The following ZNF638 variants were observed in gnomAD, a reference collection of about 807,000 sequenced individuals.
ZNF638 encodes zinc finger protein 638, also known as CTCL tumor antigen se33-1.
A neutral mutation model predicts 195.6 loss-of-function variants in ZNF638; 46 were observed. That is an observed-to-expected ratio of 0.24 (90% CI 0.19 to 0.30). The LOEUF (loss-of-function observed/expected upper bound fraction) is 0.30, where lower values mean the gene tolerates loss of function less well. Among genes scored for constraint, ZNF638 ranks in the 10% least tolerant of loss-of-function variants. The pLI, the probability that ZNF638 is intolerant of heterozygous loss-of-function variation, is 1.00. For missense variants in ZNF638, 2,440 were observed against 2,325.3 expected, an observed-to-expected ratio of 1.05 and a Z score of -1.01; for synonymous variants, 845 against 772.0, an observed-to-expected ratio of 1.09 and a Z score of -1.57.
chr2:71,365,583 C>A lies in ZNF638; in HGVS notation c.1872C>A (p.Ser624Arg). The change falls in exon 6 of 28, where the codon AGC becomes AGA. Residue 624 changes from serine to arginine, a missense_variant. Physicochemically the swap from Ser to Arg is moderately radical, Grantham distance 110. Transcript: ENST00000264447. ...CAAAACCATCAGTTAAACCTACAAG[C>A]GCTACAAAGAGTGATTCAAATCTAG... ...SGTKPSVKPT[S>R]ATKSDSNLGG... is the part of the protein sequence containing the mutation. 6.2e-7 allele frequency: 1 copy of A among 1,614,084 alleles called. No individual in the cohort carries two copies. The highest frequency in any genetic ancestry group is 2.2e-5 in the East Asian group (1 of 44,878).
At chr2:71,368,584 T>G (rs985482984) in intron 7 of ZNF638, 56 bp downstream of exon 7, 11 of 1,582,714 alleles carry the variant, frequency 7.0e-6, no homozygotes, top group Non-Finnish European at 9.5e-6. Flanking sequence ...TTAATGATTC[T>G]ATAAATTGCT....
chr2:71,340,876 G>A (rs192194268), intron 1 of ZNF638, among the ~76,000 whole-genome samples: 2 of 152,284 alleles, frequency 1.3e-5, no homozygotes, highest in East Asian at 1.9e-4. Context: ...TCATTGTGAA[G>A]CTCAGACGAG....
intron 3 of ZNF638, among the ~76,000 whole-genome samples, chr2:71,356,136 C>G (rs1024459978): frequency 1.3e-5 from 2 of 152,184 alleles, no homozygotes; most frequent in African/African-American, 4.8e-5. Flanking sequence ...AAAATCAGTG[C>G]AAACCAAACA....
intron 14 of ZNF638, 93 bp from the exon 15 acceptor site, chr2:71,400,385 C>A: frequency 7.9e-7 from 1 of 1,262,606 alleles, no homozygotes; most frequent in Non-Finnish European, 1.1e-6. Context: ...TTGTATTACA[C>A]GTTTTCATGT....
intron 8 of ZNF638, among the ~76,000 whole-genome samples, chr2:71,370,580 TA>T (rs1219798100): frequency 6.6e-6 from 1 of 152,218 alleles, no homozygotes; most frequent in East Asian, 1.9e-4. Context: ...TTCTGTTAAG[TA>T]AAAAGCTATA....
intron 10 of ZNF638, among the ~76,000 whole-genome samples, chr2:71,390,315 G>A (rs2079746544): frequency 6.6e-6 from 1 of 152,156 alleles, no homozygotes; most frequent in South Asian, 2.1e-4. Context: ...GGGAGCGCAG[G>A]ATTGGGCTTA....
chr2:71,385,994 A>T (rs2079629820), intron 10 of ZNF638, among the ~76,000 whole-genome samples: 1 of 152,178 alleles, frequency 6.6e-6, no homozygotes, highest in Non-Finnish European at 1.5e-5. Context: ...AAAATGAGGA[A>T]ATCTGTTAAT....
chr2:71,356,794 A>T (rs6726122), intron 3 of ZNF638, among the ~76,000 whole-genome samples: 66,934 of 145,824 alleles, frequency 0.46, 17,024 homozygotes, highest in Admixed American at 0.59. Flanking sequence ...AAAAAAAAAA[A>T]TTTTTTTTTT....
intron 20 of ZNF638, chr2:71,408,448 CAT>C (rs1189463524): frequency 3.5e-6 from 2 of 569,944 alleles, no homozygotes; most frequent in Non-Finnish European, 5.8e-6. Flanking sequence ...AACAATGTAA[CAT>C]ATATGCATTT....
chr2:71,377,824 A>G (rs2079460489), intron 8 of ZNF638, among the ~76,000 whole-genome samples: 1 of 152,240 alleles, frequency 6.6e-6, no homozygotes, highest in African/African-American at 2.4e-5. Context: ...ATGGTGGGGC[A>G]CCTTATAGTG....
rs1363576465 is a variant in ZNF638 at position 71,424,636 on chromosome 2, A to G, written c.4525-14A>G. 6.3e-7 allele frequency: 1 copy of G among 1,593,932 alleles called. No individual in the cohort carries two copies. The highest frequency in any genetic ancestry group is 2.2e-5 in the East Asian group (1 of 44,614). On this transcript the variant is annotated splice_polypyrimidine_tract_variant and intron_variant, in intron 22 of 27. Coordinates refer to ENST00000264447, the MANE Select transcript of ZNF638 (RefSeq NM_014497.5). ...TAAATTCCGTTTTTCTGTATTTCTT[A>G]TTTACTATTTCAGACTTTGGCTGAG...
At chr2:71,410,573 C>T (rs772017369) in intron 20 of ZNF638, among the ~76,000 whole-genome samples, 2 of 152,018 alleles carry the variant, frequency 1.3e-5, no homozygotes, top group Non-Finnish European at 2.9e-5. Context: ...ATTAGAATAC[C>T]ATGATGAACA....
intron 23 of ZNF638, among the ~76,000 whole-genome samples, 156 bp from the exon 24 acceptor site, chr2:71,426,304 C>T (rs2152605499): frequency 6.6e-6 from 1 of 152,124 alleles, no homozygotes; most frequent in East Asian, 1.9e-4. Context: ...ATTTGTGGGG[C>T]TTTAAAAAAA....
At chr2:71,362,169 T>G (rs2079120497) in intron 3 of ZNF638, among the ~76,000 whole-genome samples, 1 of 152,198 alleles carries the variant, frequency 6.6e-6, no homozygotes, top group Non-Finnish European at 1.5e-5. Context: ...CCTACTAGTT[T>G]TTCCGTGATT....
At chr2:71,336,372 CAAAAAAAAAAAAAAA>C (rs66593443) in intron 1 of ZNF638, among the ~76,000 whole-genome samples, 1 of 105,558 alleles carries the variant, frequency 9.5e-6, no homozygotes, top group South Asian at 3.2e-4. Context: ...ATTCCATCTC[CAAAAAAAAAAAAAAA>C]AAAAAAAAAA....
chr2:71,403,771 C>A (rs778081667), intron 16 of ZNF638, 99 bp from the exon 17 acceptor site: 18 of 816,734 alleles, frequency 2.2e-5, no homozygotes, highest in Non-Finnish European at 3.3e-5. Flanking sequence ...GTTGTTCAAT[C>A]CACTTGACGT....
chr2:71,422,333 A>T (rs2080449812), intron 21 of ZNF638, among the ~76,000 whole-genome samples: 1 of 152,152 alleles, frequency 6.6e-6, no homozygotes, highest in Non-Finnish European at 1.5e-5. Flanking sequence ...GATTTAGAGT[A>T]TGGTCTTTTC....
chr2:71,354,234 T>C (rs973063330), intron 2 of ZNF638, among the ~76,000 whole-genome samples: 1 of 152,224 alleles, frequency 6.6e-6, no homozygotes, highest in Admixed American at 6.5e-5. Flanking sequence ...ATTTAGTAAG[T>C]TTTCTGCCTT....
At chr2:71,398,622 C>A (rs2079943525) in intron 11 of ZNF638, 79 bp from the exon 12 acceptor site, 5 of 1,155,558 alleles carry the variant, frequency 4.3e-6, no homozygotes, top group Admixed American at 3.5e-5. Flanking sequence ...ATTCTTACAT[C>A]TTTTTCTCTG....
Sources: gnomAD v4.1 joint callset for allele counts (sites outside exome capture counted in the v4.1 genomes callset) on GRCh38, gnomAD v4.1.1 for gene constraint, MANE v1.5 for transcripts, NCBI Gene and HGNC (gene_info 2026-07-23, HGNC 2026-07-21) for gene names.